The following ZDHHC14 variants were observed in gnomAD, a reference collection of about 807,000 sequenced individuals.
ZDHHC14 encodes the protein zDHHC palmitoyltransferase 14.
A neutral mutation model predicts 47.7 loss-of-function variants in ZDHHC14; 16 were observed. The observed-to-expected ratio is 0.34, with a 90% confidence interval of 0.23 to 0.51. The LOEUF (loss-of-function observed/expected upper bound fraction) is 0.51, where lower values mean the gene tolerates loss of function less well. Among genes scored for constraint, ZDHHC14 ranks in the 20% least tolerant of loss-of-function variants. The probability of loss-of-function intolerance (pLI) is 0.97; values close to 1 mark genes in which losing one functional copy is unlikely to be tolerated. For missense variants in ZDHHC14, 515 were observed against 662.5 expected (o/e 0.78, Z 2.44); for synonymous variants, 293 against 278.9 (o/e 1.05, Z -0.50).
chr6:157,417,499 C>T (rs1264576862), intron 1 of ZDHHC14, among the ~76,000 whole-genome samples: 10 of 152,172 alleles, frequency 6.6e-5, no homozygotes, highest in Admixed American at 5.9e-4. Context: ...TTTACTCAGC[C>T]AGGATGGACT....
intron 1 of ZDHHC14, among the ~76,000 whole-genome samples, chr6:157,471,882 G>A (rs950663545): frequency 4.6e-5 from 7 of 152,176 alleles, no homozygotes; most frequent in Admixed American, 4.6e-4. Context: ...TCCTCTTAAG[G>A]ATCAAATGAA....
intron 3 of ZDHHC14, among the ~76,000 whole-genome samples, chr6:157,621,661 C>T (rs1162662873): frequency 6.6e-6 from 1 of 152,168 alleles, no homozygotes; most frequent in Non-Finnish European, 1.5e-5. Flanking sequence ...TCTGGATCCA[C>T]TCTTGAGGGC....
At chr6:157,491,128 A>G (rs1199997816) in intron 1 of ZDHHC14, among the ~76,000 whole-genome samples, 2 of 152,222 alleles carry the variant, frequency 1.3e-5, no homozygotes, top group African/African-American at 4.8e-5. Context: ...TGCGTCAGAC[A>G]GTACCCTTCT....
intron 1 of ZDHHC14, among the ~76,000 whole-genome samples, chr6:157,495,177 A>C (rs2114732058): frequency 6.6e-6 from 1 of 152,276 alleles, no homozygotes; most frequent in East Asian, 1.9e-4. Context: ...TAGATTCCTC[A>C]CTAAGCACTG....
intron 1 of ZDHHC14, among the ~76,000 whole-genome samples, chr6:157,521,529 T>G (rs1435897698): frequency 6.6e-6 from 1 of 152,178 alleles, no homozygotes; most frequent in East Asian, 1.9e-4. Flanking sequence ...CACTTTCTGG[T>G]TCAAAGATGG....
At chr6:157,554,448 G>T (rs1782373688) in intron 2 of ZDHHC14, among the ~76,000 whole-genome samples, 1 of 152,198 alleles carries the variant, frequency 6.6e-6, no homozygotes, top group Admixed American at 6.5e-5. Flanking sequence ...TTTTACTTAA[G>T]CCAGAATATC....
intron 1 of ZDHHC14, among the ~76,000 whole-genome samples, chr6:157,399,261 G>A (rs2114744073): frequency 6.6e-6 from 1 of 152,196 alleles, no homozygotes; most frequent in Admixed American, 6.5e-5. Context: ...GAGTATGATT[G>A]CATGCATAAG....
intron 1 of ZDHHC14, among the ~76,000 whole-genome samples, chr6:157,426,693 C>T (rs1778227709): frequency 1.3e-5 from 2 of 151,990 alleles, no homozygotes; most frequent in African/African-American, 4.8e-5. Context: ...AGGAAAACAG[C>T]GGTCAGGTGT....
At chr6:157,407,352 G>A (rs1777784968) in intron 1 of ZDHHC14, among the ~76,000 whole-genome samples, 1 of 152,166 alleles carries the variant, frequency 6.6e-6, no homozygotes, top group South Asian at 2.1e-4. Context: ...GCGCAGAGGT[G>A]GTCTCTGGGT....
intron 7 of ZDHHC14, among the ~76,000 whole-genome samples, chr6:157,650,535 C>T (rs929680330): frequency 2.6e-5 from 4 of 151,944 alleles, no homozygotes; most frequent in African/African-American, 7.3e-5. Flanking sequence ...TGGCCGAGAA[C>T]GCTTGATTTT....
At position 157,608,670 on chromosome 6, in the gene ZDHHC14, C is replaced by G. The variant is rs112688445; in HGVS notation, c.565+15524C>G. Reference sequence around the variant, plus strand: ...GTGTGGCAGAGAGGGCTGCAACAGGCCAGGGGGTAGGCAGGCACCTTATAA... The same window carrying G: ...GTGTGGCAGAGAGGGCTGCAACAGGGCAGGGGGTAGGCAGGCACCTTATAA... On this transcript the variant is annotated intron_variant, in intron 3 of 8. Transcript: ENST00000359775. 1.6e-3 allele frequency among the ~76,000 whole-genome samples: 244 copies of G among 152,212 alleles called. 2 individuals carry two copies. The highest frequency in any genetic ancestry group is 5.7e-3 in the African/African-American group (236 of 41,536).
chr6:157,632,970 C>T lies in ZDHHC14; in HGVS notation c.752+88C>T, dbSNP rs1326094563. On this transcript the variant is annotated intron_variant, in intron 5 of 8. Coordinates refer to ENST00000359775, the MANE Select transcript of ZDHHC14 (RefSeq NM_024630.3). ...GTGCGCACACCTCCTCATCTTCTGC[C>T]CCGGCCTTGCTTCTCATGTATCTTA... The T allele has an allele frequency of 1.4e-5, 19 of 1,389,858 alleles. No individual in the cohort carries two copies. In the East Asian group the frequency reaches 4.1e-4, roughly 30 times the overall value. 86.1% of individuals were successfully genotyped at this position (1,389,858 alleles called of 1,614,324 possible).
At chr6:157,404,650 C>G (rs1777708321) in intron 1 of ZDHHC14, among the ~76,000 whole-genome samples, 2 of 152,160 alleles carry the variant, frequency 1.3e-5, no homozygotes, top group African/African-American at 2.4e-5. Context: ...AGCAATGAGT[C>G]AAGGACAGAA....
intron 1 of ZDHHC14, among the ~76,000 whole-genome samples, chr6:157,477,367 G>A (rs1779518931): frequency 6.6e-6 from 1 of 152,196 alleles, no homozygotes; most frequent in African/African-American, 2.4e-5. Context: ...GTGACAGAGT[G>A]AGACTCTGTC....
At chr6:157,617,582 TTTCTCACCATGTATACATG>T (rs1273742257) in intron 3 of ZDHHC14, among the ~76,000 whole-genome samples, 1 of 152,226 alleles carries the variant, frequency 6.6e-6, no homozygotes, top group African/African-American at 2.4e-5. Flanking sequence ...GGAATACAAC[TTTCTCACCATGTATACATG>T]TAGTCAGAAG....
chr6:157,434,458 A>G (rs1227099224), intron 1 of ZDHHC14, among the ~76,000 whole-genome samples: 1 of 151,876 alleles, frequency 6.6e-6, no homozygotes, highest in African/African-American at 2.4e-5. Context: ...CCTTTGTCCC[A>G]TTCCCTAAGT....
At chr6:157,527,938 C>T (rs1447424935) in intron 1 of ZDHHC14, among the ~76,000 whole-genome samples, 5 of 152,176 alleles carry the variant, frequency 3.3e-5, no homozygotes, top group African/African-American at 1.2e-4. Context: ...TGCAGTTTCC[C>T]TGTTGATTCT....
intron 1 of ZDHHC14, among the ~76,000 whole-genome samples, chr6:157,421,917 T>G (rs1778114483): frequency 6.6e-6 from 1 of 152,204 alleles, no homozygotes; most frequent in Non-Finnish European, 1.5e-5. Flanking sequence ...CTGGATTGTG[T>G]GTTTCACATA....
rs142420874 is a variant in ZDHHC14 at position 157,546,038 on chromosome 6, C to T, written c.406+3293C>T. Among the ~76,000 whole-genome samples, 40 of 152,320 alleles carry T rather than the reference C, an allele frequency of 2.6e-4. 1 individual carries two copies. The East Asian group carries it at 7.5e-3, about 29-fold the overall frequency. On this transcript the variant is annotated intron_variant, in intron 2 of 8. Coordinates refer to ENST00000359775, the MANE Select transcript of ZDHHC14 (RefSeq NM_024630.3). ...TTTCTCTCCACCTTCTACAAATGTA[C>T]GTTCTCATAAAAAGCTACCTAAGCG... is the stretch of plus-strand genomic sequence containing the variant.
Sources: allele counts gnomAD v4.1 joint callset (sites outside exome capture counted in the v4.1 genomes callset), GRCh38; gene constraint gnomAD v4.1.1; transcripts MANE v1.5; gene names NCBI Gene and HGNC (gene_info 2026-07-23, HGNC 2026-07-21).